UNK: variants seen among roughly 807,000 people sequenced by gnomAD.
UNK encodes the protein RING finger protein unkempt homolog.
In UNK, 32 loss-of-function variants were observed where a neutral mutation model predicts 97.6. The ratio of observed to expected loss-of-function variants is 0.33; its 90% confidence interval spans 0.25 to 0.44. UNK has a LOEUF of 0.44. Ranked by LOEUF, UNK falls within the 20% of genes least tolerant of loss-of-function variation. UNK has a pLI of 1.00. For missense variants in UNK, 771 were observed against 1,098.4 expected (o/e 0.70, Z 4.21); for synonymous variants, 441 against 461.2 (o/e 0.96, Z 0.56).
Position 75,824,947 on chromosome 17 carries a change from G to T in UNK, c.*530G>T, listed in dbSNP as rs1349888451. On this transcript the variant is annotated 3_prime_UTR_variant, in exon 16 of 16. Transcript: ENST00000589666. The surrounding 1 kb of genome is among the most constrained non-coding windows in gnomAD (Gnocchi z 4.9). ...AGGGCAAGGGTGGAGTGTGGAAGAC[G>T]TGGGTCCCCCAGAGCAGGCCTGGCC... 6.6e-6 allele frequency: 1 copy of T among 152,240 alleles called. No homozygotes were observed. The highest frequency in any genetic ancestry group is 2.4e-5 in the African/African-American group (1 of 41,438). 9.4% of individuals were successfully genotyped at this position (152,240 alleles called of 1,614,324 possible).
intron 1 of UNK, among the ~76,000 whole-genome samples, chr17:75,801,777 T>C (rs2061861110): frequency 6.6e-6 from 1 of 151,716 alleles, no homozygotes; most frequent in African/African-American, 2.4e-5. Flanking sequence ...ACTACTGACC[T>C]TGTGATCCAC....
intron 4 of UNK, 96 bp downstream of exon 4, chr17:75,812,681 C>T (rs1348313257): frequency 1.3e-5 from 19 of 1,499,174 alleles, no homozygotes; most frequent in South Asian, 3.9e-5. Context: ...CTGCTCTAGC[C>T]GAGGCCCCGA....
At position 75,784,923 on chromosome 17, in the gene UNK, G is replaced by C. The variant is rs1234867176; in HGVS notation, c.43G>C (p.Ala15Pro). The C allele has an allele frequency of 1.3e-6, 2 of 1,561,180 alleles. No individual in the cohort carries two copies. Among genetic ancestry groups the C allele is most frequent in the Non-Finnish European group, 8.6e-7 (1 of 1,156,672 alleles). The stretch of plus-strand genomic sequence containing the variant: ...GCCCGGCGGCTCCGCAGCTTCCTCG[G>C]CGCCCCCGGCCGCTACCGCTCAGGT... The part of the protein sequence containing the change: ...PGPGGSAASS[A>P]PPAATAQVLQ... The change falls in exon 1 of 16, where the codon GCG (alanine) becomes CCG (proline). Residue 15 changes from alanine to proline, a missense_variant. Coordinates refer to ENST00000589666, the MANE Select transcript of UNK (RefSeq NM_001080419.3).
At chr17:75,806,001 C>G (rs903743298) in intron 1 of UNK, among the ~76,000 whole-genome samples, 1 of 151,218 alleles carries the variant, frequency 6.6e-6, no homozygotes, top group African/African-American at 2.4e-5. Context: ...AATCCTAGCA[C>G]TTTGGGAGAC....
At position 75,816,965 on chromosome 17, in the gene UNK, C is replaced by T. The variant is rs528144026; in HGVS notation, c.1104+53C>T. ...GGCACCATGCCTGACAGAGCCAATA[C>T]TTGCCTCCTAGGCCCTTTCAGCCTG... On this transcript the variant is annotated intron_variant, in intron 8 of 15. Transcript: ENST00000589666. This position sits in a 1 kb window ranked among gnomAD's most constrained non-coding sequence, Gnocchi z 4.0. 2,562 of 1,556,322 alleles carry T rather than the reference C, an allele frequency of 1.6e-3. 10 individuals carry two copies. The highest frequency in any genetic ancestry group is 8.1e-3 in the Middle Eastern group (48 of 5,936).
At chr17:75,801,839 G>C (rs2061861982) in intron 1 of UNK, among the ~76,000 whole-genome samples, 1 of 99,418 alleles carries the variant, frequency 1.0e-5, no homozygotes, top group African/African-American at 4.6e-5. Flanking sequence ...CACTGCACCC[G>C]GCTCCCCCCA....
intron 15 of UNK, 90 bp downstream of exon 15, chr17:75,823,612 G>A: frequency 1.4e-6 from 2 of 1,434,052 alleles, no homozygotes; most frequent in Non-Finnish European, 1.8e-6. Flanking sequence ...CTCCAGGGAT[G>A]GCCACCCTCC....
At chr17:75,815,574 T>C (rs995772471) in intron 7 of UNK, among the ~76,000 whole-genome samples, 1 of 152,232 alleles carries the variant, frequency 6.6e-6, no homozygotes, top group African/African-American at 2.4e-5. Flanking sequence ...CCCCATGTCA[T>C]ACCCATGACA....
At chr17:75,805,658 G>T (rs1021248846) in intron 1 of UNK, among the ~76,000 whole-genome samples, 1 of 151,508 alleles carries the variant, frequency 6.6e-6, no homozygotes, top group East Asian at 2.0e-4. Context: ...ATTTAGCTGG[G>T]CATGGGGGCA....
chr17:75,788,456 G>A (rs2061733499), intron 1 of UNK, among the ~76,000 whole-genome samples: 1 of 152,100 alleles, frequency 6.6e-6, no homozygotes, highest in Non-Finnish European at 1.5e-5. Flanking sequence ...GGGATTACAG[G>A]CGTGAGCCAC....
At chr17:75,786,689 C>G (rs1426665697) in intron 1 of UNK, among the ~76,000 whole-genome samples, 6 of 152,142 alleles carry the variant, frequency 3.9e-5, no homozygotes, top group African/African-American at 1.4e-4. Flanking sequence ...AACCCCGTCT[C>G]TACTAAAAAT....
Position 75,815,758 on chromosome 17 carries a change from C to T in UNK, c.961+505C>T, listed in dbSNP as rs111305797. On this transcript the variant is annotated intron_variant, in intron 7 of 15. Transcript: ENST00000589666. ...AAAATAAGCTGGGCATGGTGGCACA[C>T]GCCTGTAATCCCAACTACTCGGGAG... 9.6e-3 allele frequency among the ~76,000 whole-genome samples: 1,459 copies of T among 152,098 alleles called. 16 individuals are homozygous for T. The highest frequency in any genetic ancestry group is 0.031 in the Middle Eastern group (9 of 294).
At chr17:75,795,432 C>T (rs1054698864) in intron 1 of UNK, among the ~76,000 whole-genome samples, 1 of 151,928 alleles carries the variant, frequency 6.6e-6, no homozygotes, top group Non-Finnish European at 1.5e-5. Context: ...CTCCGCCTCC[C>T]GGGTTCAAGT....
intron 1 of UNK, among the ~76,000 whole-genome samples, chr17:75,805,973 G>C (rs1207966165): frequency 1.3e-5 from 2 of 152,074 alleles, no homozygotes; most frequent in Non-Finnish European, 2.9e-5. Flanking sequence ...TCCGCTGGGC[G>C]TGGTGGCTCA....
chr17:75,792,548 AT>A (rs1424490087), intron 1 of UNK: 1 of 934,922 alleles, frequency 1.1e-6, no homozygotes, highest in Non-Finnish European at 1.3e-6. Context: ...AATGCCAAGA[AT>A]TTAGGTTTAC....
At chr17:75,806,258 A>G (rs1451099744) in intron 1 of UNK, among the ~76,000 whole-genome samples, 4 of 149,846 alleles carry the variant, frequency 2.7e-5, no homozygotes, top group Admixed American at 6.7e-5. Context: ...GATCAAGACC[A>G]TCTGGCTAAC....
At chr17:75,801,825 G>A (rs1006040045) in intron 1 of UNK, among the ~76,000 whole-genome samples, 1 of 99,408 alleles carries the variant, frequency 1.0e-5, no homozygotes, top group Non-Finnish European at 2.2e-5. Flanking sequence ...TTACAGGTGT[G>A]AGCCACTGCA....
Position 75,813,211 on chromosome 17 carries a change from C to T in UNK, c.756C>T (p.Tyr252=). Residue 252 remains tyrosine (Y), a splice_region_variant and synonymous_variant, in exon 5 of 16, where the codon TAC becomes TAT. Coordinates refer to ENST00000589666, the MANE Select transcript of UNK (RefSeq NM_001080419.3). ...GGCGGAGCCCCCGGAAGCACAAATA[C>T]AGGTCCTTAGGCCCCAGGAGGCCAG... The part of the protein sequence containing the change: ...DRRRSPRKHK[Y]RSSPCPNVKH... The T allele has an allele frequency of 6.3e-7, 1 of 1,579,280 alleles. No individual in the cohort carries two copies.
At chr17:75,807,302 G>A (rs1248296556) in intron 1 of UNK, among the ~76,000 whole-genome samples, 1 of 152,216 alleles carries the variant, frequency 6.6e-6, no homozygotes, top group Non-Finnish European at 1.5e-5. Flanking sequence ...CAGGAGGATT[G>A]CCTGAGGCTG....
Sources: allele counts gnomAD v4.1 joint callset (sites outside exome capture counted in the v4.1 genomes callset), GRCh38; gene constraint gnomAD v4.1.1; non-coding constraint Gnocchi (gnomAD v3.1); transcripts MANE v1.5; gene names NCBI Gene and HGNC (gene_info 2026-07-23, HGNC 2026-07-21).